The following GRIA4 variants were observed in gnomAD, a reference collection of about 807,000 sequenced individuals.
GRIA4 encodes the protein glutamate ionotropic receptor AMPA type subunit 4.
GRIA4 carries 34 observed loss-of-function variants against 104.0 expected under a neutral mutation model. That is an observed-to-expected ratio of 0.33 (90% CI 0.25 to 0.44). The LOEUF (loss-of-function observed/expected upper bound fraction) is 0.44. Among genes scored for constraint, GRIA4 ranks in the 20% least tolerant of loss-of-function variants. The pLI, the probability that GRIA4 is intolerant of heterozygous loss-of-function variation, is 1.00. For missense variants in GRIA4, 750 were observed against 1,096.5 expected (o/e 0.68, Z 4.46); for synonymous variants, 386 against 381.9 (o/e 1.01, Z -0.13).
intron 3 of GRIA4, chr11:105,706,251 CTTCT>C (rs1271291211): frequency 6.6e-6 from 1 of 152,334 alleles, no homozygotes; most frequent in Non-Finnish European, 1.5e-5. Context: ...GGATGTGAGG[CTTCT>C]TTCTGTGTGC....
At chr11:105,740,158 T>C (rs953679745) in intron 3 of GRIA4, among the ~76,000 whole-genome samples, 1 of 152,224 alleles carries the variant, frequency 6.6e-6, no homozygotes, top group Non-Finnish European at 1.5e-5. Context: ...TGAGTTAAGA[T>C]TGTTAAACAA....
chr11:105,760,266 C>T (rs1360248382), intron 4 of GRIA4, among the ~76,000 whole-genome samples: 2 of 152,118 alleles, frequency 1.3e-5, no homozygotes, highest in Non-Finnish European at 2.9e-5. Context: ...TCTAACCAAT[C>T]ATTAATCCTG....
intron 4 of GRIA4, among the ~76,000 whole-genome samples, chr11:105,834,290 T>G (rs1456111151): frequency 6.6e-6 from 1 of 152,066 alleles, no homozygotes; most frequent in African/African-American, 2.4e-5. Flanking sequence ...TAATGAGTAT[T>G]AATATGGTAA....
intron 11 of GRIA4, among the ~76,000 whole-genome samples, chr11:105,922,039 T>C (rs917757521): frequency 1.3e-5 from 2 of 152,004 alleles, no homozygotes; most frequent in Admixed American, 1.3e-4. Context: ...AATTAAGTTA[T>C]GGAAACAAAA....
chr11:105,904,146 A>C (rs1254528576), intron 8 of GRIA4, among the ~76,000 whole-genome samples, 165 bp downstream of exon 8: 1 of 152,222 alleles, frequency 6.6e-6, no homozygotes, highest in Non-Finnish European at 1.5e-5. Flanking sequence ...ACAAGGTAGA[A>C]TCTTGCTGTT....
At position 105,800,717 on chromosome 11, in the gene GRIA4, C is replaced by T. The variant is rs139361043; in HGVS notation, c.487+47497C>T. 6.4e-3 allele frequency among the ~76,000 whole-genome samples: 969 copies of T among 152,044 alleles called. 7 individuals are homozygous for T. The highest frequency in any genetic ancestry group is 9.5e-3 in the Admixed American group (145 of 15,232). ...CCATAGTAAGCAAACTGTCCAATCT[C>T]GTTTTAGTTTTGCAGCATGCAAGAC... On this transcript the variant is annotated intron_variant, in intron 4 of 16. Transcript: ENST00000282499.
chr11:105,668,995 A>G (rs1472277805), intron 3 of GRIA4, among the ~76,000 whole-genome samples: 1 of 151,504 alleles, frequency 6.6e-6, no homozygotes, highest in Admixed American at 6.6e-5. Flanking sequence ...ATGTTCAAAA[A>G]CCCCTCACCC....
chr11:105,830,726 T>C (rs1431357595), intron 4 of GRIA4, among the ~76,000 whole-genome samples: 2 of 152,044 alleles, frequency 1.3e-5, no homozygotes, highest in African/African-American at 4.8e-5. Flanking sequence ...CATAAAAGGA[T>C]AGGCAGAAGC....
At chr11:105,652,211 C>T (rs1951704013) in intron 3 of GRIA4, among the ~76,000 whole-genome samples, 1 of 151,866 alleles carries the variant, frequency 6.6e-6, no homozygotes, top group African/African-American at 2.4e-5. Flanking sequence ...GGATATAAAA[C>T]ATAATTAGGT....
At chr11:105,807,692 C>G (rs1445691233) in intron 4 of GRIA4, among the ~76,000 whole-genome samples, 1 of 151,690 alleles carries the variant, frequency 6.6e-6, no homozygotes, top group Non-Finnish European at 1.5e-5. Flanking sequence ...TTATTTTTTT[C>G]AGCTCTGAGA....
At chr11:105,665,212 T>C (rs1952128261) in intron 3 of GRIA4, among the ~76,000 whole-genome samples, 1 of 152,004 alleles carries the variant, frequency 6.6e-6, no homozygotes. Flanking sequence ...GAGAGTCAAA[T>C]TATTATATAA....
intron 3 of GRIA4, among the ~76,000 whole-genome samples, chr11:105,729,144 A>G (rs1198237111): frequency 6.6e-6 from 1 of 152,184 alleles, no homozygotes; most frequent in Admixed American, 6.6e-5. Flanking sequence ...AGAATCAAAT[A>G]AATGCAATAA....
intron 3 of GRIA4, among the ~76,000 whole-genome samples, chr11:105,673,352 T>C (rs755228018): frequency 6.6e-6 from 1 of 152,020 alleles, no homozygotes; most frequent in African/African-American, 2.4e-5. Flanking sequence ...CACAAAACAA[T>C]GAATAAATAA....
At chr11:105,866,549 G>GTGTATA (rs1198573405) in intron 5 of GRIA4, among the ~76,000 whole-genome samples, 2 of 78,268 alleles carry the variant, frequency 2.6e-5, no homozygotes, top group Non-Finnish European at 5.4e-5. Flanking sequence ...GTGTGTGTGT[G>GTGTATA]TGTATATATA....
chr11:105,694,754 T>C (rs1953209619), intron 3 of GRIA4, among the ~76,000 whole-genome samples: 1 of 152,226 alleles, frequency 6.6e-6, no homozygotes, highest in Non-Finnish European at 1.5e-5. Flanking sequence ...TATGTTTTCA[T>C]AAAGCTTTCT....
intron 3 of GRIA4, among the ~76,000 whole-genome samples, chr11:105,748,721 G>A (rs950840704): frequency 3.9e-5 from 6 of 152,190 alleles, no homozygotes; most frequent in Non-Finnish European, 7.3e-5. Context: ...AGTCAAGGCA[G>A]TCTCAAAGGC....
At chr11:105,636,620 T>C (rs759913462) in intron 3 of GRIA4, among the ~76,000 whole-genome samples, 1 of 152,226 alleles carries the variant, frequency 6.6e-6, no homozygotes, top group Non-Finnish European at 1.5e-5. Flanking sequence ...AAGTCCATTT[T>C]CTAAAGTCTA....
chr11:105,727,111 C>A (rs1181625502), intron 3 of GRIA4, among the ~76,000 whole-genome samples: 1 of 151,710 alleles, frequency 6.6e-6, no homozygotes, highest in Non-Finnish European at 1.5e-5. Context: ...CATGTTATAA[C>A]CCAATGGAAG....
At chr11:105,746,172 T>C (rs75946531) in intron 3 of GRIA4, among the ~76,000 whole-genome samples, 5,081 of 152,064 alleles carry the variant, frequency 0.033, 183 homozygotes, top group African/African-American at 0.088. Context: ...AGTAATTGTA[T>C]AATATTATTA....
Sources: allele counts gnomAD v4.1 joint callset (sites outside exome capture counted in the v4.1 genomes callset), GRCh38; gene constraint gnomAD v4.1.1; transcripts MANE v1.5; gene names NCBI Gene and HGNC (gene_info 2026-07-23, HGNC 2026-07-21).